PLEKHH3: variants seen among roughly 807,000 people sequenced by gnomAD.
The protein encoded by PLEKHH3 is pleckstrin homology domain-containing family H member 3.
Under a neutral mutation model 77.8 loss-of-function variants are expected in PLEKHH3, and 57 were observed. That is an observed-to-expected ratio of 0.73 (90% CI 0.59 to 0.91). The LOEUF (loss-of-function observed/expected upper bound fraction) is 0.91. PLEKHH3 is among the 40% of genes least tolerant of loss of function. PLEKHH3 has a pLI of 0.00. For missense variants in PLEKHH3, 1,082 were observed against 1,091.2 expected (o/e 0.99, Z 0.12); for synonymous variants, 467 against 504.8 (o/e 0.93, Z 1.00).
chr17:42,676,527 A>G lies in PLEKHH3; in HGVS notation c.37T>C (p.Cys13Arg). 1 of 1,587,710 alleles carries G rather than the reference A, an allele frequency of 6.3e-7. No homozygotes were observed. The highest frequency in any genetic ancestry group is 1.8e-5 in the Admixed American group (1 of 56,058). The change falls in exon 1 of 13, where the codon TGC becomes CGC. Residue 13 changes from cysteine (C) to arginine (R), a missense_variant. By Grantham distance (180) the Cys-to-Arg change is radical. This residue lies in a region of PLEKHH3 where 344 missense variants were observed against 320.8 expected (regional missense o/e 1.07). Coordinates refer to ENST00000591022, the MANE Select transcript of PLEKHH3 (RefSeq NM_024927.5). The surrounding 1 kb of genome is among the most constrained non-coding windows in gnomAD (Gnocchi z 6.6). ...TGCAGAAGAGTGAAGCCTCGACGGCAGCAGAGAAGCCACCATAGTCCCCCG... is the reference window on the plus strand; with the variant it reads ...TGCAGAAGAGTGAAGCCTCGACGGCGGCAGAGAAGCCACCATAGTCCCCCG... ...LPGGLWWLLCCRRGFTLLHRD... is the reference protein window; with the variant it reads ...LPGGLWWLLCRRRGFTLLHRD...
In PLEKHH3 at chr17:42,676,516, G is replaced by T. The variant is rs2052831871; in HGVS notation, c.48C>A (p.Gly16=). Residue 16 remains glycine, a synonymous_variant, in exon 1 of 13, where the codon GGC becomes GGA. Coordinates refer to ENST00000591022, the MANE Select transcript of PLEKHH3 (RefSeq NM_024927.5). This position sits in a 1 kb window ranked among gnomAD's most constrained non-coding sequence, Gnocchi z 6.6. ...GLWWLLCCRR[G]FTLLHRDYGD... is the part of the protein sequence containing the mutation. The stretch of plus-strand genomic sequence containing the variant: ...CGTAGTCCCGGTGCAGAAGAGTGAA[G>T]CCTCGACGGCAGCAGAGAAGCCACC... 1 of 1,598,362 alleles carries T rather than the reference G, an allele frequency of 6.3e-7. No homozygotes were observed. Among genetic ancestry groups the T allele is most frequent in the Non-Finnish European group, 8.5e-7 (1 of 1,172,696 alleles).
At position 42,670,143 on chromosome 17, in the gene PLEKHH3, C is replaced by T; in HGVS notation, c.1788G>A (p.Leu596=). 2.4e-6 allele frequency: 3 copies of T among 1,248,918 alleles called. No individual in the cohort carries two copies. The highest frequency in any genetic ancestry group is 3.4e-5 in the East Asian group (1 of 29,400). 77.4% of individuals were successfully genotyped at this position (1,248,918 alleles called of 1,614,324 possible). ...LLAGALWSPG[L]AKRRAERARR... ...GGGCCCGCTCCGCCCGCCTCTTGGCCAGGCCCGGGCTCCAGAGCGCCCCGG... is the reference window on the plus strand; with the variant it reads ...GGGCCCGCTCCGCCCGCCTCTTGGCTAGGCCCGGGCTCCAGAGCGCCCCGG... Residue 596 remains leucine, a synonymous_variant, in exon 11 of 13, where the codon CTG becomes CTA. Coordinates refer to ENST00000591022, the MANE Select transcript of PLEKHH3 (RefSeq NM_024927.5).
At position 42,668,125 on chromosome 17, in the gene PLEKHH3, G is replaced by C. The variant is rs975390053; in HGVS notation, c.*2C>G. ...GAGGGAAGTCGTGACCTCTTGGCAG[G>C]CTCAGTCCTGCAGCTGCCCCAAGCA... On this transcript the variant is annotated 3_prime_UTR_variant, in exon 13 of 13. Coordinates refer to ENST00000591022, the MANE Select transcript of PLEKHH3 (RefSeq NM_024927.5). 4 of 1,428,556 alleles carry C rather than the reference G, an allele frequency of 2.8e-6. No homozygotes were observed. The highest frequency in any genetic ancestry group is 3.0e-5 in the African/African-American group (2 of 67,592). The allele number at this position is 1,428,556 out of a possible 1,614,324, so 88.5% of individuals were successfully genotyped here.
chr17:42,673,053 C>G, intron 6 of PLEKHH3, 123 bp downstream of exon 6: 1 of 1,325,710 alleles, frequency 7.5e-7, no homozygotes, highest in Non-Finnish European at 9.9e-7. Context: ...CTTCATCCTT[C>G]GAAAAGTGAG....
rs1229812158 is a variant in PLEKHH3, at chr17:42,670,238, G to A, written c.1693C>T (p.Pro565Ser). The A allele has an allele frequency of 3.3e-6, 4 of 1,225,560 alleles. No individual in the cohort carries two copies. In the African/African-American group the frequency reaches 4.7e-5, roughly 14 times the overall value. 75.9% of individuals were successfully genotyped at this position (1,225,560 alleles called of 1,614,324 possible). The part of the protein sequence containing the change: ...PLPRLDRLLP[P>S]PAPPREDPPR... ...GGGTCTTCGCGCGGCGGGGCCGGGGGCGGGAGCAGGCGGTCCAGGCGGGGC... is the reference window on the plus strand; with the variant it reads ...GGGTCTTCGCGCGGCGGGGCCGGGGACGGGAGCAGGCGGTCCAGGCGGGGC... The change falls in exon 11 of 13, where the codon CCC becomes TCC. Residue 565 changes from proline (P) to serine (S), a missense_variant. Around this residue, in one of 3 missense-constraint regions of PLEKHH3, gnomAD observed 733 missense variants for 750.0 expected, o/e 0.98. Coordinates refer to ENST00000591022, the MANE Select transcript of PLEKHH3 (RefSeq NM_024927.5).
chr17:42,674,265 T>C (rs896113495), intron 2 of PLEKHH3, 89 bp downstream of exon 2: 2 of 1,429,082 alleles, frequency 1.4e-6, no homozygotes, highest in Non-Finnish European at 1.9e-6. Context: ...CTCTCCCTTA[T>C]TGCACAACCG....
chr17:42,671,662 C>G lies in PLEKHH3; in HGVS notation c.1077-104G>C, dbSNP rs1282303224. ...TTATTTTATCTAGCCGATTTCCTCC[C>G]CGCCCCAACTCAAGTTCTTTGAAGG... On this transcript the variant is annotated intron_variant, in intron 7 of 12. Coordinates refer to ENST00000591022, the MANE Select transcript of PLEKHH3 (RefSeq NM_024927.5). The surrounding 1 kb of genome is among the most constrained non-coding windows in gnomAD (Gnocchi z 4.7). The G allele has an allele frequency of 3.3e-6, 4 of 1,226,822 alleles. No homozygotes were observed. The highest frequency in any genetic ancestry group is 4.5e-6 in the Non-Finnish European group (4 of 888,254). The allele number at this position is 1,226,822 out of a possible 1,614,324, so 76.0% of individuals were successfully genotyped here.
In PLEKHH3 at chr17:42,671,195, C is replaced by G. The variant is rs948022440; in HGVS notation, c.1285-65G>C. 1 of 1,529,496 alleles carries G rather than the reference C, an allele frequency of 6.5e-7. No homozygotes were observed. Among genetic ancestry groups the G allele is most frequent in the Non-Finnish European group, 8.8e-7 (1 of 1,136,920 alleles). The allele number at this position is 1,529,496 out of a possible 1,614,324, so 94.7% of individuals were successfully genotyped here. A position where few individuals can be genotyped will look rare whatever the true frequency, so the allele number is the denominator to read the frequency against. On this transcript the variant is annotated intron_variant, in intron 8 of 12. Transcript: ENST00000591022. The surrounding 1 kb of genome is among the most constrained non-coding windows in gnomAD (Gnocchi z 4.7). ...GCCAGGATTCTGGGAGGGGTTGATTCAATTGGAAGGGGTCTCTTAGTCCTG... is the reference window on the plus strand; with the variant it reads ...GCCAGGATTCTGGGAGGGGTTGATTGAATTGGAAGGGGTCTCTTAGTCCTG...
chr17:42,674,250 A>G (rs2052772353), intron 2 of PLEKHH3, 104 bp downstream of exon 2: 2 of 1,357,396 alleles, frequency 1.5e-6, no homozygotes, highest in Admixed American at 5.1e-5. Context: ...CGTCCGGCAT[A>G]GGGCCTCTCC....
rs1597788628 is a variant in PLEKHH3 at position 42,670,350 on chromosome 17, C to T, written c.1581G>A (p.Arg527=). The T allele has an allele frequency of 2.1e-6, 3 of 1,401,244 alleles. No individual in the cohort carries two copies. Among genetic ancestry groups the T allele is most frequent in the African/African-American group, 1.5e-5 (1 of 66,106 alleles). The allele number at this position is 1,401,244 out of a possible 1,614,324, so 86.8% of individuals were successfully genotyped here. The change falls in exon 11 of 13, where the codon CGG becomes CGA. Residue 527 remains arginine (R), a synonymous_variant. Coordinates refer to ENST00000591022, the MANE Select transcript of PLEKHH3 (RefSeq NM_024927.5). ...GCAGCGTGTCGTCGGGTGGGGGCGGCCGGCCCCGCAGCAGCAGAGCGTGAG... is the reference window on the plus strand; with the variant it reads ...GCAGCGTGTCGTCGGGTGGGGGCGGTCGGCCCCGCAGCAGCAGAGCGTGAG... ...EQAHALLLRG[R]PPPPDDTLRA...
In PLEKHH3 at chr17:42,672,189, G is replaced by T. The variant is rs772367884; in HGVS notation, c.973C>A (p.Gln325Lys). The change falls in exon 7 of 13, where the codon CAA (glutamine) becomes AAA (lysine). Residue 325 changes from glutamine (Q) to lysine (K), a missense_variant. By Grantham distance (53) the Gln-to-Lys change is moderately conservative. This residue lies in a region of PLEKHH3 where 733 missense variants were observed against 750.0 expected (regional missense o/e 0.98). Coordinates refer to ENST00000591022, the MANE Select transcript of PLEKHH3 (RefSeq NM_024927.5). ...PAGPPGLPAT[Q>K]DPAALRYWQL... ...CAGTACCGCAGGGCCGCAGGGTCTT[G>T]GGTAGCCGGGAGCCCGGGGGGACCT... 1.9e-6 allele frequency: 3 copies of T among 1,551,220 alleles called. No homozygotes were observed. The highest frequency in any genetic ancestry group is 1.4e-5 in the African/African-American group (1 of 73,094).
Position 42,669,520 on chromosome 17 carries a change from G to C in PLEKHH3, c.2115C>G (p.Ser705Arg). ...PGETEPIHSVSYGHVAACQLM... is the reference protein window; with the variant it reads ...PGETEPIHSVRYGHVAACQLM... ...GCTGGCAGGCGGCCACATGGCCATA[G>C]CTGACACTGTGGATGGGCTCCGTCT... Residue 705 changes from serine to arginine, a missense_variant, in exon 12 of 13, where the codon AGC becomes AGG. Physicochemically the swap from Ser to Arg is moderately radical, Grantham distance 110 (BLOSUM62 -1). Transcript: ENST00000591022. The C allele has an allele frequency of 6.2e-7, 1 of 1,611,370 alleles. No homozygotes were observed. The highest frequency in any genetic ancestry group is 8.5e-7 in the Non-Finnish European group (1 of 1,178,624).
rs762001835 is a variant in PLEKHH3 at position 42,671,395 on chromosome 17, C to T, written c.1240G>A (p.Gly414Ser). 3.8e-5 allele frequency: 62 copies of T among 1,612,990 alleles called. No individual in the cohort carries two copies. The highest frequency in any genetic ancestry group is 1.0e-4 in the Admixed American group (6 of 60,004). The change falls in exon 8 of 13, where the codon GGT becomes AGT. Residue 414 changes from glycine to serine, a missense_variant. Physicochemically the swap from Gly to Ser is moderately conservative, Grantham distance 56 (BLOSUM62 0). Transcript: ENST00000591022. This position sits in a 1 kb window ranked among gnomAD's most constrained non-coding sequence, Gnocchi z 4.7. ...LLCTVHCPGAGACAVAIDSHT... is the reference protein window; with the variant it reads ...LLCTVHCPGASACAVAIDSHT... Reference sequence around the variant, plus strand: ...GAGTCGATGGCCACAGCACAGGCACCAGCCCCCGGACAGTGCACGGTACAC... The same window carrying T: ...GAGTCGATGGCCACAGCACAGGCACTAGCCCCCGGACAGTGCACGGTACAC...
At chr17:42,675,517 C>T (rs1459836022) in intron 1 of PLEKHH3, among the ~76,000 whole-genome samples, 2 of 152,194 alleles carry the variant, frequency 1.3e-5, no homozygotes, top group Admixed American at 6.5e-5. Flanking sequence ...CCTCCCTCCC[C>T]CCTCCTCTAT....
Position 42,670,582 on chromosome 17 carries a change from G to A in PLEKHH3, c.1545C>T (p.Leu515=). The A allele has an allele frequency of 1.2e-6, 2 of 1,609,634 alleles. No homozygotes were observed. Among genetic ancestry groups the A allele is most frequent in the African/African-American group, 2.7e-5 (2 of 74,998 alleles). Residue 515 remains leucine, a synonymous_variant, in exon 10 of 13, where the codon CTC becomes CTT. Transcript: ENST00000591022. The part of the protein sequence containing the change: ...LSPDGHELPF[L]FEQAHALLLR... ...CGCCGGAGAGCCTCACCTGCTCAAA[G>A]AGGAAAGGCAGTTCGTGACCGTCTG...
At position 42,673,275 on chromosome 17, in the gene PLEKHH3, C is replaced by T. The variant is rs773445358; in HGVS notation, c.670G>A (p.Ala224Thr). 44 of 1,599,224 alleles carry T rather than the reference C, an allele frequency of 2.8e-5. No individual in the cohort carries two copies. The East Asian group carries it at 8.9e-4, about 32-fold the overall frequency. The part of the protein sequence containing the change: ...DIQESCGDPE[A>T]VALIYLRNPI... Reference sequence around the variant, plus strand: ...TTCCTCAGGTAAATGAGGGCAACGGCCTCTGGGTCCCCGCAACTTTCCTAG... The same window carrying T: ...TTCCTCAGGTAAATGAGGGCAACGGTCTCTGGGTCCCCGCAACTTTCCTAG... Residue 224 changes from alanine to threonine, a missense_variant, in exon 6 of 13, where the codon GCC becomes ACC. Ala to Thr is a moderately conservative substitution (Grantham distance 58). This residue lies in a region of PLEKHH3 where 344 missense variants were observed against 320.8 expected (regional missense o/e 1.07). Transcript: ENST00000591022.
chr17:42,674,569 C>G (rs1313934310), intron 1 of PLEKHH3, among the ~76,000 whole-genome samples, 160 bp from the exon 2 acceptor site: 1 of 152,166 alleles, frequency 6.6e-6, no homozygotes, highest in African/African-American at 2.4e-5. Flanking sequence ...CTGGGCTCGC[C>G]CCTCCCGCCA....
At position 42,667,991 on chromosome 17, in the gene PLEKHH3, C is replaced by T. The variant is rs186168361; in HGVS notation, c.*136G>A. On this transcript the variant is annotated 3_prime_UTR_variant, in exon 13 of 13. Transcript: ENST00000591022. ...ATTAAGAAACAAACTAGAAAATTAC[C>T]CACACCCATTGTAGCCCTTGGGTGT... is the stretch of plus-strand genomic sequence containing the variant. The T allele has an allele frequency of 7.9e-6, 5 of 630,318 alleles. No homozygotes were observed. The East Asian group carries it at 1.0e-4, about 13-fold the overall frequency. The allele number at this position is 630,318 out of a possible 1,614,324, so 39.0% of individuals were successfully genotyped here. A position where few individuals can be genotyped will look rare whatever the true frequency, so the allele number is the denominator to read the frequency against.
chr17:42,670,904 G>A, intron 9 of PLEKHH3, 90 bp downstream of exon 9: 1 of 1,559,428 alleles, frequency 6.4e-7, no homozygotes, highest in East Asian at 2.3e-5. Flanking sequence ...CAGGGCCAGG[G>A]GCAAGCGCTG....
Sources: allele counts gnomAD v4.1 joint callset (sites outside exome capture counted in the v4.1 genomes callset), GRCh38; gene constraint gnomAD v4.1.1; regional missense constraint gnomAD v4.1.1; non-coding constraint Gnocchi (gnomAD v3.1); transcripts MANE v1.5; gene names NCBI Gene and HGNC (gene_info 2026-07-23, HGNC 2026-07-21).